The following NAV3 variants were observed in gnomAD, a reference collection of about 807,000 sequenced individuals.
NAV3 encodes pore membrane and/or filament interacting like protein 1.
NAV3 carries 87 observed loss-of-function variants against 244.7 expected under a neutral mutation model. That is an observed-to-expected ratio of 0.36 (90% CI 0.30 to 0.42). The LOEUF is 0.42. NAV3 is among the 20% of genes least tolerant of loss of function. The pLI is 1.00. For missense variants in NAV3, 2,663 were observed against 2,893.3 expected, an observed-to-expected ratio of 0.92 and a Z score of 1.83; for synonymous variants, 1,126 against 1,042.2, an observed-to-expected ratio of 1.08 and a Z score of -1.55.
intron 34 of NAV3, among the ~76,000 whole-genome samples, chr12:78,192,438 C>G (rs954451701): frequency 6.0e-5 from 9 of 150,150 alleles, no homozygotes; most frequent in African/African-American, 2.2e-4. Context: ...CAGAGTCTTG[C>G]TCTGTTGCCC....
intron 2 of NAV3, among the ~76,000 whole-genome samples, chr12:77,602,430 T>C (rs1282004300): frequency 6.6e-6 from 1 of 151,982 alleles, no homozygotes; most frequent in African/African-American, 2.4e-5. Context: ...GACCACTTGA[T>C]AGCTATGTCC....
chr12:77,823,258 C>CAG (rs149875851), intron 2 of NAV3, among the ~76,000 whole-genome samples: 20 of 150,848 alleles, frequency 1.3e-4, no homozygotes, highest in African/African-American at 3.6e-4. Context: ...GAAGGAACTG[C>CAG]AGAGAGAGAG....
intron 3 of NAV3, among the ~76,000 whole-genome samples, chr12:77,965,780 T>G (rs1180773958): frequency 6.6e-6 from 1 of 152,220 alleles, no homozygotes; most frequent in African/African-American, 2.4e-5. Context: ...AAAATATGCT[T>G]CATTTTCATG....
intron 39 of NAV3, among the ~76,000 whole-genome samples, chr12:78,210,186 G>A (rs1446255862): frequency 6.6e-6 from 1 of 152,102 alleles, no homozygotes; most frequent in Non-Finnish European, 1.5e-5. Context: ...GTTATCCAGA[G>A]GCCCTATTTT....
intron 1 of NAV3, among the ~76,000 whole-genome samples, chr12:77,854,120 C>T (rs1473201329): frequency 6.6e-6 from 1 of 152,096 alleles, no homozygotes; most frequent in Non-Finnish European, 1.5e-5. Context: ...ATTTCAGATG[C>T]CTTATCATCA....
intron 12 of NAV3, among the ~76,000 whole-genome samples, chr12:78,113,892 T>C (rs923857767): frequency 2.6e-5 from 4 of 152,170 alleles, no homozygotes; most frequent in African/African-American, 9.7e-5. Flanking sequence ...AAAATTAAGT[T>C]CCAATTCCAA....
At chr12:77,957,946 G>A (rs1016476687) in intron 3 of NAV3, among the ~76,000 whole-genome samples, 6 of 152,134 alleles carry the variant, frequency 3.9e-5, no homozygotes, top group South Asian at 4.1e-4. Flanking sequence ...GATTACAGGC[G>A]TGAGCCACGT....
intron 5 of NAV3, among the ~76,000 whole-genome samples, chr12:77,983,911 T>G (rs993363110): frequency 1.3e-5 from 2 of 152,188 alleles, no homozygotes; most frequent in Non-Finnish European, 1.5e-5. Flanking sequence ...AATACAAAAC[T>G]CTGGTTGAAA....
intron 2 of NAV3, among the ~76,000 whole-genome samples, chr12:77,630,365 A>G (rs530496689): frequency 1.3e-5 from 2 of 152,310 alleles, no homozygotes; most frequent in Admixed American, 1.3e-4. Flanking sequence ...TCTAACCACT[A>G]TGAGCACCTG....
At chr12:78,107,518 A>G (rs759902039) in intron 12 of NAV3, among the ~76,000 whole-genome samples, 4 of 152,152 alleles carry the variant, frequency 2.6e-5, no homozygotes, top group Non-Finnish European at 5.9e-5. Context: ...ATGATAACCT[A>G]TGAAGTAAAC....
intron 24 of NAV3, among the ~76,000 whole-genome samples, chr12:78,171,538 A>G (rs1005386151): frequency 2.2e-4 from 33 of 151,670 alleles, no homozygotes; most frequent in African/African-American, 8.0e-4. Context: ...TAAAACTAAC[A>G]AAAACCATGG....
intron 2 of NAV3, among the ~76,000 whole-genome samples, chr12:77,609,906 C>T (rs1870837197): frequency 6.6e-6 from 1 of 151,838 alleles, no homozygotes; most frequent in Non-Finnish European, 1.5e-5. Flanking sequence ...CTCCTTGAGC[C>T]CTTATTTCAT....
chr12:78,047,486 CAAGCA>C (rs1270578353), intron 9 of NAV3, among the ~76,000 whole-genome samples: 1 of 150,866 alleles, frequency 6.6e-6, no homozygotes, highest in Non-Finnish European at 1.5e-5. Flanking sequence ...GACTCTGTCT[CAAGCA>C]AAACAAAACA....
At chr12:77,805,357 T>G (rs1182680032) in intron 2 of NAV3, among the ~76,000 whole-genome samples, 1 of 152,214 alleles carries the variant, frequency 6.6e-6, no homozygotes. Context: ...ACCTAGTTTA[T>G]TGAGAGTTTT....
chr12:78,036,641 G>C, intron 9 of NAV3: 2 of 424,510 alleles, frequency 4.7e-6, no homozygotes, highest in Admixed American at 3.8e-5. Flanking sequence ...AGATATATTC[G>C]AGCAAAATAT....
At chr12:78,137,394 G>A (rs1297607880) in intron 19 of NAV3, 29 bp downstream of exon 19, 2 of 1,567,606 alleles carry the variant, frequency 1.3e-6, no homozygotes, top group African/African-American at 1.4e-5. Context: ...TAAAGATGAA[G>A]TCACTTTATT....
chr12:77,996,357 T>C (rs1450871933), intron 6 of NAV3, among the ~76,000 whole-genome samples: 1 of 152,212 alleles, frequency 6.6e-6, no homozygotes, highest in Non-Finnish European at 1.5e-5. Context: ...TTACAAACCC[T>C]TGTAGATTCT....
intron 8 of NAV3, among the ~76,000 whole-genome samples, chr12:78,012,016 C>A (rs745820048): frequency 7.9e-5 from 12 of 151,786 alleles, no homozygotes; most frequent in African/African-American, 2.9e-4. Flanking sequence ...CACTTCCCAC[C>A]AGGTCCCTCC....
At chr12:77,947,740 T>C (rs1398818105) in intron 3 of NAV3, among the ~76,000 whole-genome samples, 2 of 152,052 alleles carry the variant, frequency 1.3e-5, no homozygotes, top group African/African-American at 2.4e-5. Context: ...ATTATTTTTA[T>C]ACAAACTTCG....
Sources: gnomAD v4.1 joint callset for allele counts (sites outside exome capture counted in the v4.1 genomes callset) on GRCh38, gnomAD v4.1.1 for gene constraint, MANE v1.5 for transcripts, NCBI Gene and HGNC (gene_info 2026-07-23, HGNC 2026-07-21) for gene names.